TEX14: variants seen among roughly 807,000 people sequenced by gnomAD.
TEX14 encodes the protein inactive serine/threonine-protein kinase TEX14.
TEX14 carries 168 observed loss-of-function variants against 178.6 expected under a neutral mutation model. The observed-to-expected ratio is 0.94, with a 90% CI of 0.83 to 1.07. TEX14 has a LOEUF of 1.07. Among genes scored for constraint, TEX14 ranks in the 50% least tolerant of loss-of-function variants. The probability of loss-of-function intolerance (pLI) is 0.00; values close to 1 mark genes in which losing one functional copy is unlikely to be tolerated. For missense variants in TEX14, 1,730 were observed against 1,753.6 expected, an observed-to-expected ratio of 0.99 and a Z score of 0.24; for synonymous variants, 626 against 634.1, an observed-to-expected ratio of 0.99 and a Z score of 0.19.
intron 6 of TEX14, 53 bp from the exon 7 acceptor site, chr17:58,616,358 T>C: frequency 6.3e-7 from 1 of 1,591,238 alleles, no homozygotes; most frequent in East Asian, 2.2e-5. Flanking sequence ...AAAAGCAGAA[T>C]ACATCCAGAA....
At position 58,626,141 on chromosome 17, in the gene TEX14, C is replaced by G. The variant is rs770812556; in HGVS notation, c.252-3129G>C. 1.2e-4 allele frequency among the ~76,000 whole-genome samples: 18 copies of G among 152,276 alleles called. No individual in the cohort carries two copies. In the South Asian group the frequency reaches 1.9e-3, roughly 16 times the overall value. On this transcript the variant is annotated intron_variant, in intron 3 of 31. Coordinates refer to ENST00000349033, the MANE Select transcript of TEX14 (RefSeq NM_031272.5). Reference sequence around the variant, plus strand: ...CTGGCTCCCTTTCCTGCCCCCCTTTCCTGCCCAACAGCAATAGATCCCTGA... The same window carrying G: ...CTGGCTCCCTTTCCTGCCCCCCTTTGCTGCCCAACAGCAATAGATCCCTGA...
In TEX14 at chr17:58,618,912, C is replaced by T. The variant is rs1381943539; in HGVS notation, c.555-1293G>A. 2.0e-5 allele frequency among the ~76,000 whole-genome samples: 3 copies of T among 152,196 alleles called. No homozygotes were observed. The East Asian group carries it at 5.8e-4, about 29-fold the overall frequency. On this transcript the variant is annotated intron_variant, in intron 5 of 31. Transcript: ENST00000349033. ...TTATTGATAGTTTCCCTTTCACTCT[C>T]GAAACAGCCAACAGATAATCAGCTA...
At chr17:58,661,366 C>G (rs950751961) in intron 1 of TEX14, 1 of 926,978 alleles carries the variant, frequency 1.1e-6, no homozygotes, top group African/African-American at 1.6e-5. Flanking sequence ...TCAGGTACTT[C>G]AGGTCGGTGG....
chr17:58,573,082 A>G, intron 23 of TEX14, 99 bp downstream of exon 23: 1 of 1,509,550 alleles, frequency 6.6e-7, no homozygotes, highest in Non-Finnish European at 9.0e-7. Flanking sequence ...CACTATGACA[A>G]CACAGCCACC....
At chr17:58,611,956 C>G (rs2144516883) in intron 9 of TEX14, among the ~76,000 whole-genome samples, 1 of 152,278 alleles carries the variant, frequency 6.6e-6, no homozygotes, top group Middle Eastern at 3.4e-3. Context: ...AATGGCAAGC[C>G]ATTTGGGGGA....
chr17:58,563,624 TATATA>T (rs1567988606), intron 28 of TEX14, among the ~76,000 whole-genome samples: 16 of 3,206 alleles, frequency 5.0e-3, no homozygotes, highest in African/African-American at 0.023. Context: ...CTCTAATTTA[TATATA>T]TATATATATA....
chr17:58,566,094 GA>G (rs1188572051), intron 26 of TEX14, among the ~76,000 whole-genome samples: 1 of 152,178 alleles, frequency 6.6e-6, no homozygotes, highest in East Asian at 1.9e-4. Context: ...TTCCAGGTTT[GA>G]AAGGAATTCT....
chr17:58,650,082 A>G (rs1215443130), intron 2 of TEX14, among the ~76,000 whole-genome samples: 1 of 143,994 alleles, frequency 6.9e-6, no homozygotes, highest in Non-Finnish European at 1.5e-5. Context: ...TCTGAGACAG[A>G]GTCTCACTTT....
chr17:58,616,417 G>A, intron 6 of TEX14, 112 bp from the exon 7 acceptor site: 22 of 1,369,254 alleles, frequency 1.6e-5, no homozygotes, highest in Non-Finnish European at 2.2e-5. Flanking sequence ...TCAACTTTCT[G>A]AATACCCCTA....
Position 58,569,362 on chromosome 17 carries a change from CAAT to C in TEX14, c.3818-105_3818-103del. 1.2e-6 allele frequency: 1 copy of C among 849,676 alleles called. No homozygotes were observed. Among genetic ancestry groups the C allele is most frequent in the Non-Finnish European group, 1.9e-6 (1 of 522,834 alleles). 52.6% of individuals were successfully genotyped at this position (849,676 alleles called of 1,614,324 possible). ...CATAGACTTGACTGAGGATTTCTCT[CAAT>C]GATGAAACAAACTAAGGAGGAAGGA... On this transcript the variant is annotated intron_variant, in intron 25 of 31. Coordinates refer to ENST00000349033, the MANE Select transcript of TEX14 (RefSeq NM_031272.5). The surrounding 1 kb of genome is among the most constrained non-coding windows in gnomAD (Gnocchi z 4.1).
intron 15 of TEX14, among the ~76,000 whole-genome samples, chr17:58,588,808 T>C (rs998033487): frequency 6.6e-6 from 1 of 152,184 alleles, no homozygotes; most frequent in African/African-American, 2.4e-5. Flanking sequence ...CTCAGGTCTG[T>C]AGTCTCAGCT....
At chr17:58,681,735 C>T (rs2047504466) in intron 1 of TEX14, among the ~76,000 whole-genome samples, 1 of 151,836 alleles carries the variant, frequency 6.6e-6, no homozygotes, top group Non-Finnish European at 1.5e-5. Flanking sequence ...CCCAGCTACC[C>T]AGGAGGCTGA....
Position 58,607,135 on chromosome 17 carries a change from G to A in TEX14, c.1185-2006C>T, listed in dbSNP as rs77156261. Among the ~76,000 whole-genome samples, 627 of 151,966 alleles carry A rather than the reference G, an allele frequency of 4.1e-3. 3 individuals carry two copies. The highest frequency in any genetic ancestry group is 0.014 in the African/African-American group (580 of 41,412). On this transcript the variant is annotated intron_variant, in intron 10 of 31. Transcript: ENST00000349033. The stretch of plus-strand genomic sequence containing the variant: ...ACATTCAACAAACTGATATGCCCTA[G>A]TAGAGTGTTACCAAAAATAAATGTG...
At chr17:58,586,485 A>G (rs1471187492) in intron 17 of TEX14, among the ~76,000 whole-genome samples, 2 of 152,192 alleles carry the variant, frequency 1.3e-5, no homozygotes, top group Non-Finnish European at 2.9e-5. Context: ...TTTGGAATGC[A>G]TACATATATG....
At chr17:58,684,423 T>C (rs535899459) in intron 1 of TEX14, among the ~76,000 whole-genome samples, 26 of 149,990 alleles carry the variant, frequency 1.7e-4, no homozygotes, top group Admixed American at 8.0e-4. Flanking sequence ...GATCACACCA[T>C]TGCACTCCAG....
chr17:58,601,091 A>G (rs1475685401), intron 13 of TEX14, among the ~76,000 whole-genome samples: 1 of 152,066 alleles, frequency 6.6e-6, no homozygotes, highest in Non-Finnish European at 1.5e-5. Flanking sequence ...TCTAAAAAAA[A>G]AAAACTTTTT....
In TEX14 at chr17:58,651,857, G is replaced by C. The variant is rs2143259155; in HGVS notation, c.136+9C>G. The C allele has an allele frequency of 6.3e-7, 1 of 1,598,554 alleles. No individual in the cohort carries two copies. The highest frequency in any genetic ancestry group is 8.5e-7 in the Non-Finnish European group (1 of 1,174,538). On this transcript the variant is annotated intron_variant, in intron 2 of 31. Coordinates refer to ENST00000349033, the MANE Select transcript of TEX14 (RefSeq NM_031272.5). Reference sequence around the variant, plus strand: ...CAAGGTGCATCTGCCATCTCAACATGGTGCTTACCTTTCTTAAGAATTTTC... The same window carrying C: ...CAAGGTGCATCTGCCATCTCAACATCGTGCTTACCTTTCTTAAGAATTTTC...
chr17:58,623,216 C>T (rs1307578122), intron 3 of TEX14, among the ~76,000 whole-genome samples: 1 of 150,574 alleles, frequency 6.6e-6, no homozygotes, highest in Non-Finnish European at 1.5e-5. Flanking sequence ...ACACACAATC[C>T]CTTTTTTTCC....
intron 15 of TEX14, among the ~76,000 whole-genome samples, chr17:58,589,557 C>CAAA (rs71143254): frequency 1.8e-5 from 1 of 56,482 alleles, no homozygotes. Context: ...GACTCCGTCT[C>CAAA]AAAAAAAAAA....
Sources: allele counts gnomAD v4.1 joint callset (sites outside exome capture counted in the v4.1 genomes callset), GRCh38; gene constraint gnomAD v4.1.1; non-coding constraint Gnocchi (gnomAD v3.1); transcripts MANE v1.5; gene names NCBI Gene and HGNC (gene_info 2026-07-23, HGNC 2026-07-21).